The following NKD1 variants were observed in gnomAD, a reference collection of about 807,000 sequenced individuals.
NKD1 encodes the protein NKD inhibitor of Wnt signaling pathway 1.
Under a neutral mutation model 56.0 loss-of-function variants are expected in NKD1, and 21 were observed. That is an observed-to-expected ratio of 0.38 (90% CI 0.27 to 0.54). The LOEUF (loss-of-function observed/expected upper bound fraction) is 0.54, where lower values mean the gene tolerates loss of function less well. Ranked by LOEUF, NKD1 falls within the 20% of genes least tolerant of loss-of-function variation. The pLI is 0.82. For missense variants in NKD1, 578 were observed against 642.7 expected, an observed-to-expected ratio of 0.90 and a Z score of 1.09; for synonymous variants, 263 against 265.7, an observed-to-expected ratio of 0.99 and a Z score of 0.10.
intron 3 of NKD1, among the ~76,000 whole-genome samples, chr16:50,585,429 G>A (rs980371039): frequency 6.6e-6 from 1 of 152,220 alleles, no homozygotes; most frequent in Admixed American, 6.5e-5. Context: ...GGAATTCGGG[G>A]CCTGAGTCTG....
rs534582612 is a variant in NKD1 at position 50,589,676 on chromosome 16, C to T, written c.193-18618C>T. Among the ~76,000 whole-genome samples, 4 of 151,840 alleles carry T rather than the reference C, an allele frequency of 2.6e-5. No homozygotes were observed. In the East Asian group the frequency reaches 7.8e-4, roughly 29 times the overall value. On this transcript the variant is annotated intron_variant, in intron 3 of 9. Coordinates refer to ENST00000268459, the MANE Select transcript of NKD1 (RefSeq NM_033119.5). ...AAATGGATCATGTTGGAGGCCTTTGCTGAATGCTTTCTTTTCTTTTCTCTT... is the reference window on the plus strand; with the variant it reads ...AAATGGATCATGTTGGAGGCCTTTGTTGAATGCTTTCTTTTCTTTTCTCTT...
Position 50,628,880 on chromosome 16 carries a change from T to C in NKD1, c.463-1306T>C, listed in dbSNP as rs138587223. On this transcript the variant is annotated intron_variant, in intron 6 of 9. Transcript: ENST00000268459. ...ACCTGCTTCAGTTCCTGGTGAGGGC[T>C]CGCTTCCTGGCTTGCAGACGGCCAC... 6.0e-4 allele frequency among the ~76,000 whole-genome samples: 92 copies of C among 152,176 alleles called. 1 individual carries two copies. The highest frequency in any genetic ancestry group is 1.4e-3 in the Admixed American group (22 of 15,286).
chr16:50,570,182 G>C (rs1320193656), intron 3 of NKD1, among the ~76,000 whole-genome samples: 1 of 152,116 alleles, frequency 6.6e-6, no homozygotes, highest in Admixed American at 6.5e-5. Flanking sequence ...AATGTCACCT[G>C]TTTCTTTGTT....
In NKD1 at chr16:50,633,230, C is replaced by A. The variant is rs370527079; in HGVS notation, c.862C>A (p.Arg288Ser). 2 of 1,612,360 alleles carry A rather than the reference C, an allele frequency of 1.2e-6. No homozygotes were observed. Among genetic ancestry groups the A allele is most frequent in the African/African-American group, 1.3e-5 (1 of 74,988 alleles). The change falls in exon 10 of 10, where the codon CGC (arginine) becomes AGC (serine). Residue 288 changes from arginine to serine, a missense_variant. By Grantham distance (110) the Arg-to-Ser change is moderately radical. Coordinates refer to ENST00000268459, the MANE Select transcript of NKD1 (RefSeq NM_033119.5). The surrounding 1 kb of genome is among the most constrained non-coding windows in gnomAD (Gnocchi z 4.9). ...GGCCCAGAAGTCAGAACTGCCCCCC[C>A]GCACCTCCAATCCCACTCGATCTCG... is the stretch of plus-strand genomic sequence containing the variant. ...SVAQKSELPPRTSNPTRSRSH... is the reference protein window; with the variant it reads ...SVAQKSELPPSTSNPTRSRSH...
In NKD1 at chr16:50,573,353, C is replaced by T. The variant is rs555224008; in HGVS notation, c.192+23798C>T. Among the ~76,000 whole-genome samples the T allele has an allele frequency of 7.2e-5, 11 of 152,352 alleles. No individual in the cohort carries two copies. The South Asian group carries it at 1.2e-3, about 17-fold the overall frequency. ...TGGAGACCTCCTGATGCTGAAGTTG[C>T]CCTGTGGGCAGGTGGACATTCCCTG... On this transcript the variant is annotated intron_variant, in intron 3 of 9. Coordinates refer to ENST00000268459, the MANE Select transcript of NKD1 (RefSeq NM_033119.5).
Position 50,639,661 on chromosome 16 carries a change from T to A in NKD1, c.*5880T>A, listed in dbSNP as rs975801649. On this transcript the variant is annotated 3_prime_UTR_variant, in exon 10 of 10. Transcript: ENST00000268459. ...AGCCCTCTGTGTTTGGGCTGAGTTC[T>A]TTCTCTAGTTGCCCTGTCATCTGGC... 95 of 152,374 alleles carry A rather than the reference T, an allele frequency of 6.2e-4. 1 individual carries two copies. Among genetic ancestry groups the A allele is most frequent in the African/African-American group, 2.2e-3 (92 of 41,584 alleles). The allele number at this position is 152,374 out of a possible 1,614,324, so 9.4% of individuals were successfully genotyped here.
intron 3 of NKD1, among the ~76,000 whole-genome samples, chr16:50,605,172 A>G (rs1444565601): frequency 1.3e-5 from 2 of 152,164 alleles, no homozygotes; most frequent in African/African-American, 4.8e-5. Context: ...CTAGCCACTT[A>G]GATGCAGGGC....
In NKD1 at chr16:50,639,126, G is replaced by C. The variant is rs574499829; in HGVS notation, c.*5345G>C. On this transcript the variant is annotated 3_prime_UTR_variant, in exon 10 of 10. Transcript: ENST00000268459. Reference sequence around the variant, plus strand: ...GGGGTCCCACCTCTGATGATGCTGAGTGGTGGGTCTGGGGTGTGGCCCAGG... The same window carrying C: ...GGGGTCCCACCTCTGATGATGCTGACTGGTGGGTCTGGGGTGTGGCCCAGG... 2.0e-5 allele frequency: 3 copies of C among 152,300 alleles called. No homozygotes were observed. Among genetic ancestry groups the C allele is most frequent in the African/African-American group, 7.2e-5 (3 of 41,544 alleles). 9.4% of individuals were successfully genotyped at this position (152,300 alleles called of 1,614,324 possible).
rs777863285 is a variant in NKD1, at chr16:50,633,369, G to A, written c.1001G>A (p.Arg334Gln). The change falls in exon 10 of 10, where the codon CGG (arginine) becomes CAG (glutamine). Residue 334 changes from arginine to glutamine, a missense_variant. Transcript: ENST00000268459. The surrounding 1 kb of genome is among the most constrained non-coding windows in gnomAD (Gnocchi z 4.9). ...GCCAAGGTCTCAGAGCTCCAGCAACGGCTCCGGGGCACCCAGGACGGGAGC... is the reference window on the plus strand; with the variant it reads ...GCCAAGGTCTCAGAGCTCCAGCAACAGCTCCGGGGCACCCAGGACGGGAGC... Reference protein sequence around the residue: ...PIAKVSELQQRLRGTQDGSKH... With the variant: ...PIAKVSELQQQLRGTQDGSKH... 8.7e-6 allele frequency: 14 copies of A among 1,613,946 alleles called. No individual in the cohort carries two copies. In the East Asian group the frequency reaches 8.9e-5, roughly 10 times the overall value.
intron 3 of NKD1, among the ~76,000 whole-genome samples, chr16:50,570,181 T>C (rs1244293353): frequency 6.6e-6 from 1 of 152,240 alleles, no homozygotes; most frequent in Non-Finnish European, 1.5e-5. Context: ...TAATGTCACC[T>C]GTTTCTTTGT....
chr16:50,552,293 G>C (rs1261147087), intron 3 of NKD1: 2 of 152,298 alleles, frequency 1.3e-5, no homozygotes, highest in Non-Finnish European at 2.9e-5. Flanking sequence ...GGTGTGGACT[G>C]TGTGTTTCTC....
intron 3 of NKD1, among the ~76,000 whole-genome samples, chr16:50,601,511 G>A (rs1218827497): frequency 3.3e-5 from 5 of 152,350 alleles, no homozygotes; most frequent in Non-Finnish European, 1.5e-5. Context: ...GCCTCCTTCT[G>A]GAGAAGGCTG....
At chr16:50,616,199 G>T (rs537148793) in intron 4 of NKD1, 2 of 412,052 alleles carry the variant, frequency 4.9e-6, no homozygotes, top group Admixed American at 2.5e-5. Flanking sequence ...GTTCTGGCTT[G>T]TGTTAAATCT....
chr16:50,597,601 G>A (rs921138713), intron 3 of NKD1, among the ~76,000 whole-genome samples: 7 of 152,002 alleles, frequency 4.6e-5, no homozygotes, highest in African/African-American at 7.3e-5. Flanking sequence ...TCTGGAAAAC[G>A]CACCTTTTTG....
At chr16:50,624,523 AG>A (rs1371767041) in intron 5 of NKD1, among the ~76,000 whole-genome samples, 3 of 152,220 alleles carry the variant, frequency 2.0e-5, no homozygotes, top group Non-Finnish European at 2.9e-5. Flanking sequence ...ATGGGTGTAA[AG>A]GACACCAGCA....
At chr16:50,620,679 G>A (rs1962065757) in intron 4 of NKD1, among the ~76,000 whole-genome samples, 1 of 152,208 alleles carries the variant, frequency 6.6e-6, no homozygotes, top group African/African-American at 2.4e-5. Flanking sequence ...AGACAAAATG[G>A]CGGAAGGGAC....
rs116313206 is a variant in NKD1 at position 50,592,074 on chromosome 16, C to T, written c.193-16220C>T. Among the ~76,000 whole-genome samples the T allele has an allele frequency of 6.5e-3, 984 of 152,308 alleles. 6 individuals carry two copies. The highest frequency in any genetic ancestry group is 0.022 in the African/African-American group (922 of 41,570). On this transcript the variant is annotated intron_variant, in intron 3 of 9. Coordinates refer to ENST00000268459, the MANE Select transcript of NKD1 (RefSeq NM_033119.5). Reference sequence around the variant, plus strand: ...GCATTCTGGGCAGTGACTTGGCTGCCGCTGAGGACAGAGCTGGCTAAGGCC... The same window carrying T: ...GCATTCTGGGCAGTGACTTGGCTGCTGCTGAGGACAGAGCTGGCTAAGGCC...
chr16:50,574,516 C>T (rs1038770659), intron 3 of NKD1: 33 of 985,294 alleles, frequency 3.3e-5, no homozygotes, highest in Admixed American at 6.1e-5. Context: ...TGCTGGTGGC[C>T]GAGGCCCAGG....
intron 3 of NKD1, chr16:50,562,412 T>G (rs1056885895): frequency 3.1e-5 from 10 of 323,436 alleles, no homozygotes; most frequent in Non-Finnish European, 4.4e-5. Flanking sequence ...ATTTTTAGGT[T>G]GTTTGATTTT....
Sources: gnomAD v4.1 joint callset for allele counts (sites outside exome capture counted in the v4.1 genomes callset) on GRCh38, gnomAD v4.1.1 for gene constraint, Gnocchi (gnomAD v3.1) non-coding constraint, MANE v1.5 for transcripts, NCBI Gene and HGNC (gene_info 2026-07-23, HGNC 2026-07-21) for gene names.